The following ALG12 variants were observed in gnomAD, a reference collection of about 807,000 sequenced individuals.
The protein encoded by ALG12 is ALG12 alpha-1,6-mannosyltransferase.
A neutral mutation model predicts 46.0 loss-of-function variants in ALG12; 36 were observed. The ratio of observed to expected loss-of-function variants is 0.78; its 90% CI spans 0.60 to 1.03. The LOEUF is 1.03. Ranked by LOEUF, ALG12 falls within the 50% of genes least tolerant of loss-of-function variation. The pLI is 0.00. For missense variants in ALG12, 599 were observed against 633.5 expected (o/e 0.95, Z 0.58); for synonymous variants, 326 against 291.6 (o/e 1.12, Z -1.20).
chr22:49,913,308 G>A (rs2060590132), intron 3 of ALG12, 77 bp downstream of exon 3: 2 of 1,597,532 alleles, frequency 1.3e-6, no homozygotes, highest in Admixed American at 3.3e-5. Context: ...TGGGCAGGAG[G>A]GACCGCGGCC....
At chr22:49,904,289 C>T (rs2060530924) in intron 8 of ALG12, 35 bp from the exon 9 acceptor site, 2 of 1,614,074 alleles carry the variant, frequency 1.2e-6, no homozygotes, top group African/African-American at 2.7e-5. Flanking sequence ...GAGCCCAGCC[C>T]TGCAGTCGGA....
chr22:49,890,771 C>T, the ALG12 span, among the ~76,000 whole-genome samples: 51 of 152,270 alleles, frequency 3.3e-4, no homozygotes, highest in Middle Eastern at 3.4e-3. Flanking sequence ...AATCCCAGCA[C>T]TTTGGGAGGC....
At chr22:49,878,258 C>G in the ALG12 span, among the ~76,000 whole-genome samples, 1 of 147,914 alleles carries the variant, frequency 6.8e-6, no homozygotes, top group South Asian at 2.1e-4. Flanking sequence ...TGAGCCAACG[C>G]ACCACTGCAC....
the ALG12 span, among the ~76,000 whole-genome samples, chr22:49,869,178 G>T: frequency 6.6e-6 from 1 of 151,978 alleles, no homozygotes; most frequent in South Asian, 2.1e-4. Flanking sequence ...TCGGTCTTGT[G>T]ATCTCAGGGT....
chr22:49,895,583 C>T (rs2060480552), downstream of ALG12, among the ~76,000 whole-genome samples: 1 of 151,360 alleles, frequency 6.6e-6, no homozygotes, highest in African/African-American at 2.4e-5. Flanking sequence ...ACCTGGGAGG[C>T]AGTGGTTGCA....
the ALG12 span, among the ~76,000 whole-genome samples, chr22:49,882,473 C>T: frequency 6.6e-6 from 1 of 152,190 alleles, no homozygotes; most frequent in African/African-American, 2.4e-5. Context: ...AATATTTATG[C>T]TGCCATATTA....
intron 1 of ALG12, among the ~76,000 whole-genome samples, chr22:49,915,611 C>T (rs774028705): frequency 3.6e-4 from 55 of 152,086 alleles, no homozygotes; most frequent in Non-Finnish European, 6.8e-4. Flanking sequence ...TGGTATCAAA[C>T]AAAGAGAAAG....
the ALG12 span, chr22:49,885,102 CG>C: frequency 1.2e-6 from 2 of 1,613,862 alleles, no homozygotes; most frequent in Non-Finnish European, 1.7e-6. Flanking sequence ...GTCGGTACTG[CG>C]GCTGTGCCAT....
At chr22:49,888,494 A>G in the ALG12 span, 1 of 167,258 alleles carries the variant, frequency 6.0e-6, no homozygotes, top group Non-Finnish European at 1.5e-5. Flanking sequence ...AAACAGGCAT[A>G]TTCTTTGTGG....
chr22:49,904,348 G>A lies in ALG12; in HGVS notation c.1151C>T (p.Pro384Leu). Residue 384 changes from proline (P) to leucine (L), a missense_variant, in exon 8 of 10, where the codon CCC becomes CTC. Transcript: ENST00000330817. Reference sequence around the variant, plus strand: ...CCCCCAGCACCCACCTGTCTGGGGGGGCACCAGCTGGTGCAGCCTCTGCAT... The same window carrying A: ...CCCCCAGCACCCACCTGTCTGGGGGAGCACCAGCTGGTGCAGCCTCTGCAT... ...VAMQRLHQLV[P>L]PQTDVLLHID... 1 of 1,614,174 alleles carries A rather than the reference G, an allele frequency of 6.2e-7. No individual in the cohort carries two copies.
chr22:49,908,458 T>G (rs56998233), intron 6 of ALG12, among the ~76,000 whole-genome samples: 28 of 117,600 alleles, frequency 2.4e-4, no homozygotes, highest in East Asian at 7.1e-4. Context: ...AACCAGGGAG[T>G]TGGAGGTTGC....
the ALG12 span, chr22:49,885,529 T>C: frequency 1.2e-6 from 2 of 1,608,134 alleles, no homozygotes; most frequent in Non-Finnish European, 1.7e-6. Context: ...GGCTCGGCCC[T>C]CCTCTCCGGA....
Position 49,901,130 on chromosome 22 carries a change from C to T in ALG12, c.*2708G>A, listed in dbSNP as rs2060502591. 1 of 152,260 alleles carries T rather than the reference C, an allele frequency of 6.6e-6. No individual in the cohort carries two copies. Among genetic ancestry groups the T allele is most frequent in the Non-Finnish European group, 1.5e-5 (1 of 68,060 alleles). The allele number at this position is 152,260 out of a possible 1,614,324, so 9.4% of individuals were successfully genotyped here. ...ATTAAAGACAGGAGTGACTCACAGA[C>T]CACTGAAGTCGGGAGGCAATCCACA... On this transcript the variant is annotated 3_prime_UTR_variant, in exon 10 of 10. Coordinates refer to ENST00000330817, the MANE Select transcript of ALG12 (RefSeq NM_024105.4).
intron 6 of ALG12, 118 bp downstream of exon 6, chr22:49,909,126 G>A: frequency 9.1e-7 from 1 of 1,103,072 alleles, no homozygotes; most frequent in Non-Finnish European, 1.4e-6. Context: ...GCTCCATCCT[G>A]ACCCTGCAGC....
intron 6 of ALG12, among the ~76,000 whole-genome samples, chr22:49,908,167 C>CT (rs1419229013): frequency 2.6e-5 from 4 of 152,220 alleles, no homozygotes; most frequent in Admixed American, 2.6e-4. Flanking sequence ...GTCGGGCCCC[C>CT]TCCAGGCAGG....
In ALG12 at chr22:49,910,416, C is replaced by T. The variant is rs767540166; in HGVS notation, c.469+18G>A. The T allele has an allele frequency of 1.4e-5, 23 of 1,611,906 alleles. No individual in the cohort carries two copies. In the Admixed American group the frequency reaches 2.0e-4, roughly 14 times the overall value. On this transcript the variant is annotated intron_variant, in intron 4 of 9. Coordinates refer to ENST00000330817, the MANE Select transcript of ALG12 (RefSeq NM_024105.4). The stretch of plus-strand genomic sequence containing the variant: ...GCCCGGCACCATGGGTGTGCAGGCC[C>T]GGCCGGCAGCTACGTACCTACAGGC...
Position 49,908,526 on chromosome 22 carries a change from C to CAA in ALG12, c.769-584_769-583dup, listed in dbSNP as rs11432710. Among the ~76,000 whole-genome samples, 40 of 54,918 alleles carry CAA rather than the reference C, an allele frequency of 7.3e-4. 1 individual carries two copies. The highest frequency in any genetic ancestry group is 0.013 in the Middle Eastern group (1 of 78). The allele number at this position is 54,918 out of a possible 152,430, so 36.0% of individuals were successfully genotyped here. A position where few individuals can be genotyped will look rare whatever the true frequency, so the allele number is the denominator to read the frequency against. Reference sequence around the variant, plus strand: ...CTGGCGACAGAGTGAGACTCTGTCTCAAAAAAAAAAAAAAAAAAAACCAAA... The same window carrying CAA: ...CTGGCGACAGAGTGAGACTCTGTCTCAAAAAAAAAAAAAAAAAAAAAACCAAA... On this transcript the variant is annotated intron_variant, in intron 6 of 9. Coordinates refer to ENST00000330817, the MANE Select transcript of ALG12 (RefSeq NM_024105.4).
At chr22:49,891,876 C>T in the ALG12 span, among the ~76,000 whole-genome samples, 7 of 152,170 alleles carry the variant, frequency 4.6e-5, no homozygotes, top group Admixed American at 2.6e-4. Flanking sequence ...TCATTTAAAG[C>T]TAAAATTCCC....
At chr22:49,863,239 G>A in the ALG12 span, among the ~76,000 whole-genome samples, 2 of 152,090 alleles carry the variant, frequency 1.3e-5, no homozygotes, top group African/African-American at 4.8e-5. Flanking sequence ...AGGATGGAGT[G>A]CAGTGGTGCT....
Sources: gnomAD v4.1 joint callset for allele counts (sites outside exome capture counted in the v4.1 genomes callset) on GRCh38, gnomAD v4.1.1 for gene constraint, MANE v1.5 for transcripts, NCBI Gene and HGNC (gene_info 2026-07-23, HGNC 2026-07-21) for gene names.